Variants in VGLL4 observed in about 807,000 individuals in gnomAD.
VGLL4 encodes transcription cofactor vestigial-like protein 4.
A neutral mutation model predicts 21.0 loss-of-function variants in VGLL4; 7 were observed. The observed-to-expected ratio is 0.33, with a 90% CI of 0.19 to 0.63. The LOEUF (loss-of-function observed/expected upper bound fraction) is 0.63, where lower values mean the gene tolerates loss of function less well. Among genes scored for constraint, VGLL4 ranks in the 20% least tolerant of loss-of-function variants. The probability of loss-of-function intolerance (pLI) is 0.78; values close to 1 mark genes in which losing one functional copy is unlikely to be tolerated. For synonymous variants in VGLL4, 222 were observed against 173.2 expected (o/e 1.28, Z -2.21); for missense variants, 394 against 425.7 (o/e 0.93, Z 0.66).
chr3:11,566,185 C>T (rs956537074), intron 2 of VGLL4, among the ~76,000 whole-genome samples: 1 of 152,126 alleles, frequency 6.6e-6, no homozygotes, highest in South Asian at 2.1e-4. Flanking sequence ...GTTACGCATG[C>T]ACACAGAATG....
rs891779634 is a variant in VGLL4, at chr3:11,604,453, G to C, written c.83-2431C>G. The C allele has an allele frequency of 3.1e-6, 3 of 957,402 alleles. No individual in the cohort carries two copies. The African/African-American group carries it at 5.4e-5, about 17-fold the overall frequency. 59.3% of individuals were successfully genotyped at this position (957,402 alleles called of 1,614,324 possible). ...GCAAAGGAAAAGAATCCGCACATAAGGTCAGGGACAGGTCCGTTCAGTTAT... is the reference window on the plus strand; with the variant it reads ...GCAAAGGAAAAGAATCCGCACATAACGTCAGGGACAGGTCCGTTCAGTTAT... On this transcript the variant is annotated intron_variant, in intron 1 of 4. Coordinates refer to ENST00000430365, the MANE Select transcript of VGLL4 (RefSeq NM_001128219.3).
chr3:11,640,211 A>T (rs2075663135), intron 1 of VGLL4, among the ~76,000 whole-genome samples: 1 of 152,100 alleles, frequency 6.6e-6, no homozygotes, highest in South Asian at 2.1e-4. Context: ...ATTCTAAACC[A>T]CTTCCTGAAA....
chr3:11,657,110 C>A (rs903256336), intron 2 of VGLL4, among the ~76,000 whole-genome samples: 10 of 152,176 alleles, frequency 6.6e-5, no homozygotes, highest in Admixed American at 2.6e-4. Flanking sequence ...AGTTCCCAGG[C>A]CATAACCTTT....
chr3:11,615,370 G>A (rs2075142673), intron 1 of VGLL4, among the ~76,000 whole-genome samples: 1 of 152,156 alleles, frequency 6.6e-6, no homozygotes, highest in South Asian at 2.1e-4. Flanking sequence ...CCAATGAGCT[G>A]TCCCTACAAA....
chr3:11,692,552 G>GGTCCAGTCAGA (rs2076541858), intron 2 of VGLL4, among the ~76,000 whole-genome samples: 2 of 152,146 alleles, frequency 1.3e-5, no homozygotes, highest in African/African-American at 4.8e-5. Flanking sequence ...TAAACCTAAT[G>GGTCCAGTCAGA]GGAGCTTAGG....
chr3:11,656,416 G>C lies in VGLL4; in HGVS notation c.64+46555C>G, dbSNP rs549125186. Among the ~76,000 whole-genome samples the C allele has an allele frequency of 6.2e-4, 94 of 152,306 alleles. 1 individual carries two copies. In the South Asian group the frequency reaches 0.011, roughly 18 times the overall value. ...TATAAGGCCCCCGGAGGCTAGAGGA[G>C]TTCCCAGGGGTGCTGGTGTTGGCAG... On this transcript the variant is annotated intron_variant, in intron 2 of 5. Coordinates refer to the VGLL4 transcript ENST00000273038.
intron 2 of VGLL4, among the ~76,000 whole-genome samples, chr3:11,581,015 T>A (rs886512275): frequency 6.6e-6 from 1 of 152,052 alleles, no homozygotes; most frequent in Non-Finnish European, 1.5e-5. Flanking sequence ...TGTTACAAAG[T>A]GCTTTGCATA....
chr3:11,665,967 T>C (rs1388910296), intron 2 of VGLL4, among the ~76,000 whole-genome samples: 2 of 152,194 alleles, frequency 1.3e-5, no homozygotes, highest in African/African-American at 4.8e-5. Flanking sequence ...AAGTTCATTC[T>C]GGGCCGGGCG....
At chr3:11,695,692 TGTC>T (rs1489576659) in intron 2 of VGLL4, among the ~76,000 whole-genome samples, 1 of 151,664 alleles carries the variant, frequency 6.6e-6, no homozygotes, top group Non-Finnish European at 1.5e-5. Context: ...AGGGACCTGA[TGTC>T]AGATGCACCT....
intron 2 of VGLL4, among the ~76,000 whole-genome samples, chr3:11,597,047 A>C (rs1249354124): frequency 6.6e-6 from 1 of 152,114 alleles, no homozygotes; most frequent in Non-Finnish European, 1.5e-5. Flanking sequence ...AACCACAAGG[A>C]AATAATGGAG....
At chr3:11,594,575 C>T (rs760397467) in intron 2 of VGLL4, among the ~76,000 whole-genome samples, 1 of 152,210 alleles carries the variant, frequency 6.6e-6, no homozygotes. Context: ...GTTCTACCCA[C>T]GAAGCAGCCT....
intron 2 of VGLL4, among the ~76,000 whole-genome samples, chr3:11,600,615 A>G (rs2074770616): frequency 6.6e-6 from 1 of 152,142 alleles, no homozygotes; most frequent in Admixed American, 6.5e-5. Context: ...TTTGAGGATA[A>G]ATACCTCTGT....
At chr3:11,620,374 A>T (rs1248732999) in intron 1 of VGLL4, among the ~76,000 whole-genome samples, 1 of 152,202 alleles carries the variant, frequency 6.6e-6, no homozygotes, top group Non-Finnish European at 1.5e-5. Flanking sequence ...AGGTCGGCAC[A>T]GCCTGAGGGG....
At chr3:11,649,933 T>C (rs534592209) in intron 2 of VGLL4, among the ~76,000 whole-genome samples, 3,717 of 139,762 alleles carry the variant, frequency 0.027, 135 homozygotes, top group African/African-American at 0.091. Context: ...TGGTTTGGTT[T>C]GGTTTGGTTT....
chr3:11,636,950 G>A (rs757662140), intron 1 of VGLL4, among the ~76,000 whole-genome samples: 3 of 152,010 alleles, frequency 2.0e-5, no homozygotes, highest in Middle Eastern at 3.4e-3. Flanking sequence ...TCAAAGAGAC[G>A]CTGGCTTCAC....
chr3:11,660,850 AAC>A (rs1438670174), intron 2 of VGLL4, among the ~76,000 whole-genome samples: 1 of 152,218 alleles, frequency 6.6e-6, no homozygotes, highest in Non-Finnish European at 1.5e-5. Flanking sequence ...AAAATTAAAT[AAC>A]GTTGGGATCC....
intron 3 of VGLL4, among the ~76,000 whole-genome samples, chr3:11,563,760 C>T (rs1437185744): frequency 6.6e-6 from 1 of 152,188 alleles, no homozygotes; most frequent in African/African-American, 2.4e-5. Context: ...GGGGTCTGTG[C>T]CATTTTGTTA....
intron 2 of VGLL4, among the ~76,000 whole-genome samples, chr3:11,578,843 A>G (rs1277185049): frequency 4.4e-5 from 6 of 135,734 alleles, no homozygotes; most frequent in African/African-American, 1.4e-4. Flanking sequence ...TCCACCTCCC[A>G]GGTTCACGCC....
At chr3:11,683,820 C>T (rs1317170599) in intron 2 of VGLL4, among the ~76,000 whole-genome samples, 2 of 151,752 alleles carry the variant, frequency 1.3e-5, no homozygotes, top group African/African-American at 2.4e-5. Context: ...AAAAATAACT[C>T]AACTCTTACC....
Sources: allele counts gnomAD v4.1 joint callset (sites outside exome capture counted in the v4.1 genomes callset), GRCh38; gene constraint gnomAD v4.1.1; transcripts MANE v1.5; gene names NCBI Gene and HGNC (gene_info 2026-07-23, HGNC 2026-07-21).